Variants in BMAL2 observed in about 807,000 individuals in gnomAD.
BMAL2 encodes basic helix-loop-helix ARNT-like protein 2.
chr12:27,420,579 A>G, the BMAL2 span: 1 of 1,511,806 alleles, frequency 6.6e-7, no homozygotes, highest in Non-Finnish European at 8.8e-7. Context: ...AAAGCATTTC[A>G]TTTACGAAAA....
the BMAL2 span, among the ~76,000 whole-genome samples, chr12:27,345,874 T>C: frequency 6.6e-6 from 1 of 152,224 alleles, no homozygotes; most frequent in African/African-American, 2.4e-5. Flanking sequence ...GGTATGTTTT[T>C]AGGATTTTCT....
the BMAL2 span, chr12:27,418,260 G>T: frequency 9.3e-7 from 1 of 1,080,936 alleles, no homozygotes; most frequent in South Asian, 1.5e-5. Context: ...TAATCACTAT[G>T]TTTTCAGGCA....
At chr12:27,400,584 C>T in the BMAL2 span, 3 of 1,613,628 alleles carry the variant, frequency 1.9e-6, no homozygotes, top group African/African-American at 2.7e-5. Flanking sequence ...GAGAAGCTGG[C>T]CTCCAAATAT....
the BMAL2 span, chr12:27,424,999 G>A: frequency 1.3e-5 from 2 of 152,132 alleles, no homozygotes; most frequent in Non-Finnish European, 2.9e-5. Flanking sequence ...GGCTTAGAGA[G>A]CTTTCCAGGT....
At chr12:27,395,987 G>A in the BMAL2 span, among the ~76,000 whole-genome samples, 2 of 152,150 alleles carry the variant, frequency 1.3e-5, no homozygotes, top group Non-Finnish European at 2.9e-5. Context: ...GAAAATGGGT[G>A]GTACAGGGTG....
chr12:27,414,646 T>C, the BMAL2 span, among the ~76,000 whole-genome samples: 13 of 152,040 alleles, frequency 8.6e-5, no homozygotes, highest in Non-Finnish European at 1.9e-4. Context: ...TGGAATGCAG[T>C]AAAAAGCAGT....
At chr12:27,368,605 T>C in the BMAL2 span, among the ~76,000 whole-genome samples, 5 of 152,202 alleles carry the variant, frequency 3.3e-5, no homozygotes, top group Non-Finnish European at 5.9e-5. Context: ...AAGAAAGGTG[T>C]CTAGGAGGGT....
the BMAL2 span, among the ~76,000 whole-genome samples, chr12:27,353,798 A>G: frequency 6.6e-6 from 1 of 152,262 alleles, no homozygotes; most frequent in Non-Finnish European, 1.5e-5. Context: ...ACATACATGC[A>G]GCCAACAGAC....
chr12:27,382,680 C>A, the BMAL2 span, among the ~76,000 whole-genome samples: 1 of 152,316 alleles, frequency 6.6e-6, no homozygotes, highest in East Asian at 1.9e-4. Flanking sequence ...ATTGTCACAG[C>A]ATCCCCACAC....
At chr12:27,334,514 C>T in the BMAL2 span, among the ~76,000 whole-genome samples, 5 of 152,102 alleles carry the variant, frequency 3.3e-5, no homozygotes, top group Non-Finnish European at 5.9e-5. Context: ...GCTGTCTGGT[C>T]CATTAAGAAA....
the BMAL2 span, among the ~76,000 whole-genome samples, chr12:27,406,388 T>A: frequency 2.0e-5 from 3 of 152,130 alleles, no homozygotes; most frequent in Non-Finnish European, 2.9e-5. Flanking sequence ...GACTAACAGC[T>A]GATCTCTCAG....
At chr12:27,399,479 A>T in the BMAL2 span, among the ~76,000 whole-genome samples, 1 of 152,200 alleles carries the variant, frequency 6.6e-6, no homozygotes, top group Non-Finnish European at 1.5e-5. Flanking sequence ...GACAATGGAG[A>T]TACTAGAACA....
the BMAL2 span, among the ~76,000 whole-genome samples, chr12:27,391,463 A>G: frequency 7.9e-5 from 12 of 152,278 alleles, no homozygotes; most frequent in Non-Finnish European, 4.4e-5. Context: ...GGCAGATTTC[A>G]TGTATTTGCT....
the BMAL2 span, chr12:27,424,014 A>G: frequency 1.3e-5 from 2 of 152,238 alleles, no homozygotes; most frequent in African/African-American, 4.8e-5. Flanking sequence ...GTAAAATATC[A>G]CATTAATAAT....
chr12:27,418,436 C>A, the BMAL2 span, among the ~76,000 whole-genome samples: 3 of 148,962 alleles, frequency 2.0e-5, no homozygotes, highest in Non-Finnish European at 4.5e-5. Flanking sequence ...CCCATCCCTA[C>A]GAAAAAAAAA....
At chr12:27,390,228 C>CA in the BMAL2 span, 1 of 1,613,506 alleles carries the variant, frequency 6.2e-7, no homozygotes, top group Non-Finnish European at 8.5e-7. Context: ...TTACCCAACT[C>CA]AAAGAAGAAA....
the BMAL2 span, chr12:27,420,634 C>A: frequency 7.9e-7 from 1 of 1,273,218 alleles, no homozygotes; most frequent in Middle Eastern, 2.2e-4. Flanking sequence ...TTGTTTGTAT[C>A]TTTTATTAAT....
chr12:27,408,754 A>C, the BMAL2 span, among the ~76,000 whole-genome samples: 2 of 152,082 alleles, frequency 1.3e-5, no homozygotes, highest in Admixed American at 6.6e-5. Context: ...GGCAATAAGG[A>C]AGGAGAAGGA....
the BMAL2 span, among the ~76,000 whole-genome samples, chr12:27,338,955 C>CT: frequency 2.0e-5 from 3 of 152,092 alleles, no homozygotes; most frequent in South Asian, 6.2e-4. Context: ...CTACTACTAT[C>CT]TTTTTTTTAA....
Sources: gnomAD v4.1 joint callset for allele counts (sites outside exome capture counted in the v4.1 genomes callset) on GRCh38, gnomAD v4.1.1 for gene constraint, MANE v1.5 for transcripts, NCBI Gene and HGNC (gene_info 2026-07-23, HGNC 2026-07-21) for gene names.